Variants in FAM120B observed in about 807,000 individuals in gnomAD.
FAM120B encodes family with sequence similarity 120 member B, also known as constitutive coactivator of peroxisome proliferator-activated receptor gamma.
In FAM120B, 83 loss-of-function variants were observed where a neutral mutation model predicts 96.3. That is an observed-to-expected ratio of 0.86 (90% CI 0.72 to 1.03). The LOEUF is 1.03. Ranked by LOEUF, FAM120B falls within the 50% of genes least tolerant of loss-of-function variation. FAM120B has a pLI of 0.00. For missense variants in FAM120B, 1,027 were observed against 1,121.2 expected, an observed-to-expected ratio of 0.92 and a Z score of 1.20; for synonymous variants, 407 against 402.7, an observed-to-expected ratio of 1.01 and a Z score of -0.13.
At chr6:170,358,714 T>C (rs533500730) in intron 6 of FAM120B, among the ~76,000 whole-genome samples, 123 of 152,352 alleles carry the variant, frequency 8.1e-4, no homozygotes, top group African/African-American at 2.8e-3. Context: ...GGATCCCTCC[T>C]GGCGCGTTGG....
intron 6 of FAM120B, among the ~76,000 whole-genome samples, chr6:170,372,888 G>A (rs1468846296): frequency 6.6e-6 from 1 of 152,150 alleles, no homozygotes; most frequent in Non-Finnish European, 1.5e-5. Flanking sequence ...GTTTATTTTT[G>A]CTGTTTTGTT....
upstream of FAM120B, among the ~76,000 whole-genome samples, chr6:170,295,004 C>A (rs548172454): frequency 6.6e-6 from 1 of 152,304 alleles, no homozygotes; most frequent in South Asian, 2.1e-4. This position sits in a 1 kb window ranked among gnomAD's most constrained non-coding sequence, Gnocchi z 7.8. Flanking sequence ...GGGACGTAGA[C>A]CATGCTTATT....
rs551037531 is a variant in FAM120B, at chr6:170,369,630, C to T, written c.2283+11312C>T. ...GGGGCAGGCCCCGGGGCTGAACCCG[C>T]CACTGGATGTAGCCTGTGGCACTCC... On this transcript the variant is annotated intron_variant, in intron 6 of 10. Coordinates refer to ENST00000476287, the MANE Select transcript of FAM120B (RefSeq NM_032448.3). Among the ~76,000 whole-genome samples, 200 of 152,024 alleles carry T rather than the reference C, an allele frequency of 1.3e-3. 1 individual carries two copies. The highest frequency in any genetic ancestry group is 4.5e-3 in the African/African-American group (188 of 41,442).
At chr6:170,356,172 G>A (rs967891631) in intron 5 of FAM120B, among the ~76,000 whole-genome samples, 9 of 152,120 alleles carry the variant, frequency 5.9e-5, no homozygotes, top group South Asian at 4.1e-4. Context: ...CAAGACAAGC[G>A]TCAGGAAGAA....
chr6:170,378,569 C>T (rs368069522), intron 6 of FAM120B, among the ~76,000 whole-genome samples: 76 of 152,356 alleles, frequency 5.0e-4, no homozygotes, highest in African/African-American at 1.7e-3. Flanking sequence ...CAGTGAGAGA[C>T]GCCAACCCTT....
chr6:170,382,724 C>G (rs760349668), intron 6 of FAM120B, among the ~76,000 whole-genome samples: 6 of 152,118 alleles, frequency 3.9e-5, no homozygotes, highest in Non-Finnish European at 8.8e-5. Flanking sequence ...TCCCTCCAGA[C>G]TGATGTACAG....
rs1426112399 is a variant in FAM120B, at chr6:170,361,198, G to GTGTATATATA, written c.2283+2881_2283+2882insGTATATATAT. Reference sequence around the variant, plus strand: ...GCCTTAAAACTATATATATATACGTGTATATATATATATATATATATATAT... The same window carrying GTGTATATATA: ...GCCTTAAAACTATATATATATACGTGTGTATATATATATATATATATATATATATATATAT... On this transcript the variant is annotated intron_variant, in intron 6 of 10. Transcript: ENST00000476287. Among the ~76,000 whole-genome samples the GTGTATATATA allele has an allele frequency of 3.9e-3, 258 of 65,988 alleles. 3 individuals are homozygous for GTGTATATATA. Among genetic ancestry groups the GTGTATATATA allele is most frequent in the Non-Finnish European group, 6.2e-3 (221 of 35,786 alleles). The allele number at this position is 65,988 out of a possible 152,430, so 43.3% of individuals were successfully genotyped here.
chr6:170,351,862 T>C (rs1787602839), intron 5 of FAM120B, among the ~76,000 whole-genome samples: 1 of 152,226 alleles, frequency 6.6e-6, no homozygotes, highest in Non-Finnish European at 1.5e-5. Flanking sequence ...CCAGTGATAC[T>C]GTGAAGCAAC....
rs1369252688 is a variant in FAM120B at position 170,330,608 on chromosome 6, T to C, written c.2017+58T>C. ...ATCTTTCCATTCTATGATAAAAGTC[T>C]AAGAATGCATCAGTTATGGAAAGCA... On this transcript the variant is annotated intron_variant, in intron 4 of 10. Coordinates refer to ENST00000476287, the MANE Select transcript of FAM120B (RefSeq NM_032448.3). 3.2e-6 allele frequency: 4 copies of C among 1,267,438 alleles called. No homozygotes were observed. The African/African-American group carries it at 5.9e-5, about 19-fold the overall frequency. The allele number at this position is 1,267,438 out of a possible 1,614,324, so 78.5% of individuals were successfully genotyped here. A position where few individuals can be genotyped will look rare whatever the true frequency, so the allele number is the denominator to read the frequency against.
At chr6:170,338,328 T>C (rs1469621840) in intron 4 of FAM120B, among the ~76,000 whole-genome samples, 1 of 152,246 alleles carries the variant, frequency 6.6e-6, no homozygotes, top group Non-Finnish European at 1.5e-5. Flanking sequence ...GGTTTCCATG[T>C]AGTTGTGCAG....
chr6:170,377,857 TGGGAGA>T (rs1789653867), intron 6 of FAM120B, among the ~76,000 whole-genome samples: 2 of 77,830 alleles, frequency 2.6e-5, no homozygotes, highest in African/African-American at 1.2e-4. Flanking sequence ...CCCAGATGCC[TGGGAGA>T]GCACCGGCTC....
intron 6 of FAM120B, among the ~76,000 whole-genome samples, chr6:170,381,164 C>G (rs1789877508): frequency 6.6e-6 from 1 of 152,088 alleles, no homozygotes; most frequent in Non-Finnish European, 1.5e-5. Flanking sequence ...GTTTGCCTGT[C>G]AAGAAGTAAG....
chr6:170,401,731 A>G (rs1446875201), intron 9 of FAM120B, among the ~76,000 whole-genome samples: 1 of 152,246 alleles, frequency 6.6e-6, no homozygotes, highest in Non-Finnish European at 1.5e-5. Context: ...AGGACACTCA[A>G]AGGAAATGCT....
At chr6:170,379,228 C>T (rs1466809410) in intron 6 of FAM120B, among the ~76,000 whole-genome samples, 3 of 152,210 alleles carry the variant, frequency 2.0e-5, no homozygotes, top group African/African-American at 7.2e-5. Flanking sequence ...TGAAGTTTAT[C>T]ATTTCCTTTA....
intron 5 of FAM120B, among the ~76,000 whole-genome samples, chr6:170,357,576 T>C (rs1479278427): frequency 2.6e-5 from 4 of 152,202 alleles, no homozygotes; most frequent in Non-Finnish European, 5.9e-5. Context: ...GGACACAGGT[T>C]TCCTCTAGGT....
At chr6:170,390,106 G>T (rs1790404242) in intron 7 of FAM120B, among the ~76,000 whole-genome samples, 1 of 152,226 alleles carries the variant, frequency 6.6e-6, no homozygotes, top group African/African-American at 2.4e-5. Flanking sequence ...CCGCAGGGAT[G>T]AGAAAAGCGG....
At chr6:170,354,376 T>A (rs989417783) in intron 5 of FAM120B, among the ~76,000 whole-genome samples, 4 of 152,092 alleles carry the variant, frequency 2.6e-5, no homozygotes, top group African/African-American at 7.2e-5. Flanking sequence ...GACTTCATGA[T>A]GAAAACACCA....
intron 1 of FAM120B, among the ~76,000 whole-genome samples, chr6:170,296,046 C>G (rs368974706): frequency 6.6e-6 from 1 of 152,168 alleles, no homozygotes; most frequent in East Asian, 1.9e-4. Context: ...TGTCCCGCGC[C>G]CCATCTCCAT....
intron 4 of FAM120B, among the ~76,000 whole-genome samples, chr6:170,339,181 C>G (rs1042365130): frequency 1.2e-4 from 19 of 152,206 alleles, no homozygotes; most frequent in African/African-American, 4.6e-4. Context: ...GTGCTTCCTT[C>G]AGGAGCTCTT....
Sources: allele counts gnomAD v4.1 joint callset (sites outside exome capture counted in the v4.1 genomes callset), GRCh38; gene constraint gnomAD v4.1.1; non-coding constraint Gnocchi (gnomAD v3.1); transcripts MANE v1.5; gene names NCBI Gene and HGNC (gene_info 2026-07-23, HGNC 2026-07-21).